AHNAK: variants seen among roughly 807,000 people sequenced by gnomAD.
AHNAK encodes the protein AHNAK nucleoprotein, also known as neuroblast differentiation-associated protein AHNAK.
Under a neutral mutation model 37.8 loss-of-function variants are expected in AHNAK, and 23 were observed. That is an observed-to-expected ratio of 0.61 (90% CI 0.44 to 0.86). AHNAK has a LOEUF of 0.86. AHNAK is among the 40% of genes least tolerant of loss of function. AHNAK has a pLI of 0.00. For missense variants in AHNAK, 7,411 were observed against 7,319.4 expected, an observed-to-expected ratio of 1.01 and a Z score of -0.46; for synonymous variants, 2,481 against 2,636.3, an observed-to-expected ratio of 0.94 and a Z score of 1.80.
Position 62,518,036 on chromosome 11 carries a change from C to T in AHNAK, c.16381G>A (p.Val5461Met). 1 of 1,614,212 alleles carries T rather than the reference C, an allele frequency of 6.2e-7. No individual in the cohort carries two copies. Among genetic ancestry groups the T allele is most frequent in the Non-Finnish European group, 8.5e-7 (1 of 1,180,042 alleles). Residue 5461 changes from valine to methionine, a missense_variant, in exon 5 of 5, where the codon GTG (valine) becomes ATG (methionine). Coordinates refer to ENST00000378024, the MANE Select transcript of AHNAK (RefSeq NM_001620.3). ...CCAGTGGCCCCAAGGCTCCCTTTCA[C>T]TTTTGGTCCTTCCAAGTTAAAGTCC... ...NVDFNLEGPK[V>M]KGSLGATGEI...
intron 1 of AHNAK, among the ~76,000 whole-genome samples, chr11:62,538,609 A>C (rs772466660): frequency 5.3e-5 from 8 of 152,222 alleles, no homozygotes; most frequent in Non-Finnish European, 1.0e-4. Context: ...TATACTTTGC[A>C]CTACAGACGG....
Position 62,528,911 on chromosome 11 carries a change from C to T in AHNAK, c.5506G>A (p.Ala1836Thr). The T allele has an allele frequency of 6.2e-7, 1 of 1,614,124 alleles. No individual in the cohort carries two copies. The highest frequency in any genetic ancestry group is 8.5e-7 in the Non-Finnish European group (1 of 1,180,026). ...TTAAACTTGGGCCCTTTCAACTTTG[C>T]ATCAGGACACTCCAGATCAACATCG... ...VPDVDLECPD[A>T]KLKGPKFKMP... The change falls in exon 5 of 5, where the codon GCA (alanine) becomes ACA (threonine). Residue 1836 changes from alanine (A) to threonine (T), a missense_variant. Transcript: ENST00000378024.
At position 62,519,161 on chromosome 11, in the gene AHNAK, C is replaced by T. The variant is rs751000100; in HGVS notation, c.15256G>A (p.Gly5086Arg). The T allele has an allele frequency of 2.5e-6, 4 of 1,613,166 alleles. No homozygotes were observed. In the East Asian group the frequency reaches 8.9e-5, roughly 36 times the overall value. Residue 5086 changes from glycine to arginine, a missense_variant, in exon 5 of 5, where the codon GGA becomes AGA. Coordinates refer to ENST00000378024, the MANE Select transcript of AHNAK (RefSeq NM_001620.3). ...KSPKTKKTMF[G>R]KMYFPDVEFD... is the part of the protein sequence containing the mutation. ...TCTACATCTGGGAAGTACATTTTTC[C>T]AAACATCGTTTTCTTGGTTTTGGGC...
At chr11:62,447,747 C>T (rs1395955788) in intron 5 of AHNAK, among the ~76,000 whole-genome samples, 5 of 152,136 alleles carry the variant, frequency 3.3e-5, no homozygotes, top group Non-Finnish European at 7.3e-5. Flanking sequence ...TTCTCCTGGC[C>T]CTCTGCCCCC....
At chr11:62,447,995 A>G (rs1938452906) in intron 5 of AHNAK, among the ~76,000 whole-genome samples, 3 of 152,110 alleles carry the variant, frequency 2.0e-5, no homozygotes, top group Admixed American at 2.0e-4. Flanking sequence ...GGTCGTGGGC[A>G]GTGACCTGAG....
intron 5 of AHNAK, among the ~76,000 whole-genome samples, chr11:62,478,616 C>G (rs12283164): frequency 0.028 from 4,289 of 151,942 alleles, 211 homozygotes; most frequent in African/African-American, 0.098. Flanking sequence ...GGCATGGTGG[C>G]ACACGCCTGT....
intron 4 of AHNAK, among the ~76,000 whole-genome samples, chr11:62,496,204 G>C (rs895012624): frequency 6.6e-6 from 1 of 152,064 alleles, no homozygotes; most frequent in African/African-American, 2.4e-5. Context: ...TTAAGTAAAT[G>C]GTTTTCTGAT....
chr11:62,537,679 G>A (rs1199553791), intron 1 of AHNAK, among the ~76,000 whole-genome samples: 3 of 150,716 alleles, frequency 2.0e-5, no homozygotes, highest in African/African-American at 7.4e-5. Context: ...ACCCGAGTCT[G>A]TAACTCCTTT....
intron 5 of AHNAK, among the ~76,000 whole-genome samples, chr11:62,480,803 TAAA>T (rs1172126377): frequency 9.7e-4 from 43 of 44,480 alleles, no homozygotes; most frequent in South Asian, 3.6e-3. Flanking sequence ...TGCGTGCAGT[TAAA>T]AAAAAAAAAA....
chr11:62,515,334 C>T (rs1449797202), downstream of AHNAK, among the ~76,000 whole-genome samples: 2 of 152,184 alleles, frequency 1.3e-5, no homozygotes, highest in Admixed American at 6.5e-5. Flanking sequence ...GCCTGGCCAA[C>T]ATGGTGAAAC....
chr11:62,461,144 T>C (rs7126284), intron 5 of AHNAK, among the ~76,000 whole-genome samples: 114 of 2,864 alleles, frequency 0.04, no homozygotes, highest in African/African-American at 0.091. Context: ...CAAATTCCCC[T>C]TTTTTTTTTT....
chr11:62,532,239 G>A lies in AHNAK; in HGVS notation c.2178C>T (p.Leu726=), dbSNP rs1263741823. The A allele has an allele frequency of 1.9e-6, 3 of 1,613,666 alleles. No homozygotes were observed. Among genetic ancestry groups the A allele is most frequent in the Admixed American group, 3.3e-5 (2 of 59,978 alleles). The change falls in exon 5 of 5, where the codon CTC becomes CTT. Residue 726 remains leucine, a synonymous_variant. Coordinates refer to ENST00000378024, the MANE Select transcript of AHNAK (RefSeq NM_001620.3). ...DVTVPKLEGE[L]KGPKVDIDAP... ...CATCAATGTCCACTTTTGGGCCTTTGAGTTCTCCTTCCAGCTTTGGTACAG... is the reference window on the plus strand; with the variant it reads ...CATCAATGTCCACTTTTGGGCCTTTAAGTTCTCCTTCCAGCTTTGGTACAG...
intron 5 of AHNAK, among the ~76,000 whole-genome samples, chr11:62,474,453 T>A (rs1939103418): frequency 1.3e-5 from 2 of 152,174 alleles, no homozygotes; most frequent in Non-Finnish European, 2.9e-5. Context: ...AGTGCTGGGA[T>A]TACAGGCATC....
chr11:62,459,241 C>A (rs941669259), intron 5 of AHNAK, among the ~76,000 whole-genome samples: 1 of 152,178 alleles, frequency 6.6e-6, no homozygotes, highest in South Asian at 2.1e-4. Context: ...GATTTCACAA[C>A]ACTTCACATG....
chr11:62,501,323 C>T (rs529889488), intron 4 of AHNAK, among the ~76,000 whole-genome samples: 1 of 152,316 alleles, frequency 6.6e-6, no homozygotes, highest in South Asian at 2.1e-4. Context: ...AATCCCAACA[C>T]TTGGGGAGGC....
intron 5 of AHNAK, among the ~76,000 whole-genome samples, chr11:62,436,634 T>TAAA (rs34838843): frequency 0.14 from 19,408 of 142,578 alleles, 1,533 homozygotes; most frequent in Middle Eastern, 0.21. Flanking sequence ...TTCTTTTCAT[T>TAAA]AAAAAAAAAA....
At chr11:62,469,721 A>G (rs993000679) in intron 5 of AHNAK, among the ~76,000 whole-genome samples, 2 of 150,968 alleles carry the variant, frequency 1.3e-5, no homozygotes, top group Admixed American at 6.6e-5. Flanking sequence ...GCCCACCTCA[A>G]CCTCCCAAAG....
At position 62,521,485 on chromosome 11, in the gene AHNAK, T is replaced by C; in HGVS notation, c.12932A>G (p.Asp4311Gly). ...DAPDVDVHGP[D>G]WHLKMPKVKM... ...CACCTTGGGCATCTTCAGGTGCCAG[T>C]CTGGGCCATGAACATCTACATCAGG... The change falls in exon 5 of 5, where the codon GAC becomes GGC. Residue 4311 changes from aspartate (D) to glycine (G), a missense_variant. By Grantham distance (94) the Asp-to-Gly change is moderately conservative. Transcript: ENST00000378024. The C allele has an allele frequency of 1.2e-6, 2 of 1,612,590 alleles. No homozygotes were observed. Among genetic ancestry groups the C allele is most frequent in the South Asian group, 2.2e-5 (2 of 90,988 alleles).
At position 62,516,740 on chromosome 11, in the gene AHNAK, C is replaced by T. The variant is rs1390877554; in HGVS notation, c.*4G>A. The T allele has an allele frequency of 3.7e-6, 6 of 1,604,174 alleles. No individual in the cohort carries two copies. Among genetic ancestry groups the T allele is most frequent in the Non-Finnish European group, 5.1e-6 (6 of 1,175,882 alleles). On this transcript the variant is annotated 3_prime_UTR_variant, in exon 5 of 5. Coordinates refer to ENST00000378024, the MANE Select transcript of AHNAK (RefSeq NM_001620.3). ...ATATATATGTACACACATACAAAGG[C>T]CTGCTACTCTTTCTTTGTGGAAACT...
Sources: allele counts gnomAD v4.1 joint callset (sites outside exome capture counted in the v4.1 genomes callset), GRCh38; gene constraint gnomAD v4.1.1; transcripts MANE v1.5; gene names NCBI Gene and HGNC (gene_info 2026-07-23, HGNC 2026-07-21).